Variants in GPM6A observed in about 807,000 individuals in gnomAD.
GPM6A encodes glycoprotein M6A.
In GPM6A, 7 loss-of-function variants were observed where a neutral mutation model predicts 32.1. The ratio of observed to expected loss-of-function variants is 0.22; its 90% CI spans 0.12 to 0.41. The LOEUF is 0.41. Among genes scored for constraint, GPM6A ranks in the 10% least tolerant of loss-of-function variants. The probability of loss-of-function intolerance (pLI) is 1.00; values close to 1 mark genes in which losing one functional copy is unlikely to be tolerated. For synonymous variants in GPM6A, 130 were observed against 123.4 expected (o/e 1.05, Z -0.35); for missense variants, 235 against 347.2 (o/e 0.68, Z 2.57).
chr4:175,820,500 C>CTTTTTTTTTTTT (rs66569311), intron 1 of GPM6A, among the ~76,000 whole-genome samples: 14 of 112,114 alleles, frequency 1.2e-4, no homozygotes, highest in Admixed American at 2.2e-4. Context: ...TCTTTTCTTT[C>CTTTTTTTTTTTT]TTTTTTTTTT....
At chr4:175,726,224 C>A (rs1201206150) in intron 1 of GPM6A, among the ~76,000 whole-genome samples, 2 of 151,720 alleles carry the variant, frequency 1.3e-5, no homozygotes, top group East Asian at 3.9e-4. Context: ...TGGTCTCGAT[C>A]TCCTGACCTC....
At chr4:176,002,188 G>T in intron 1 of GPM6A, 4 of 1,110,830 alleles carry the variant, frequency 3.6e-6, no homozygotes, top group Middle Eastern at 2.0e-4. Context: ...CGCCAGGCGC[G>T]GGGGGAACAG....
At chr4:175,659,304 T>G (rs1255153423) in intron 3 of GPM6A, among the ~76,000 whole-genome samples, 1 of 152,106 alleles carries the variant, frequency 6.6e-6, no homozygotes, top group Admixed American at 6.6e-5. Flanking sequence ...GGTCACAAAC[T>G]CCTGAGCTCA....
chr4:175,919,320 C>T (rs1231943653), intron 1 of GPM6A, among the ~76,000 whole-genome samples: 1 of 152,140 alleles, frequency 6.6e-6, no homozygotes, highest in Non-Finnish European at 1.5e-5. Context: ...GTGGGTCTCA[C>T]TCCACCATAA....
chr4:175,991,556 A>C (rs976068839), intron 1 of GPM6A, among the ~76,000 whole-genome samples: 1 of 152,156 alleles, frequency 6.6e-6, no homozygotes, highest in African/African-American at 2.4e-5. Flanking sequence ...CATTATTTGC[A>C]CTTCAAATCT....
intron 1 of GPM6A, among the ~76,000 whole-genome samples, chr4:175,976,096 T>C (rs1307839661): frequency 6.6e-6 from 1 of 152,124 alleles, no homozygotes; most frequent in African/African-American, 2.4e-5. Flanking sequence ...TTCACACTGA[T>C]GTTTTTACCA....
chr4:175,915,295 T>A (rs1198191836), intron 1 of GPM6A, among the ~76,000 whole-genome samples: 3 of 151,926 alleles, frequency 2.0e-5, no homozygotes, highest in Non-Finnish European at 4.4e-5. Context: ...AGGATTTTTT[T>A]TTTTTTTTTG....
chr4:175,817,063 G>T (rs9312585), upstream of GPM6A, among the ~76,000 whole-genome samples: 147,504 of 152,190 alleles, frequency 0.97, 71,679 homozygotes, highest in East Asian at 1. Context: ...TTTCACCGTG[G>T]TAGCCAGGAT....
At chr4:175,686,545 G>A (rs1417967258) in intron 2 of GPM6A, among the ~76,000 whole-genome samples, 1 of 152,200 alleles carries the variant, frequency 6.6e-6, no homozygotes, top group African/African-American at 2.4e-5. Context: ...CGGAGGCAGA[G>A]ATTAGAGTGC....
intron 1 of GPM6A, among the ~76,000 whole-genome samples, chr4:175,707,533 A>G (rs1745266886): frequency 6.6e-6 from 1 of 152,174 alleles, no homozygotes; most frequent in South Asian, 2.1e-4. Context: ...TTTATCCACA[A>G]ACTTTAAAAT....
At chr4:175,849,451 A>G (rs1392183652) in intron 1 of GPM6A, among the ~76,000 whole-genome samples, 1 of 152,174 alleles carries the variant, frequency 6.6e-6, no homozygotes, top group Non-Finnish European at 1.5e-5. Context: ...ATAGCAATGG[A>G]GGATCATTTG....
At chr4:175,809,130 A>C (rs1488883828) in intron 1 of GPM6A, among the ~76,000 whole-genome samples, 1 of 152,194 alleles carries the variant, frequency 6.6e-6, no homozygotes, top group Non-Finnish European at 1.5e-5. Flanking sequence ...TAGAAACCCA[A>C]AAATCATTTA....
chr4:175,986,160 C>T (rs982218887), intron 1 of GPM6A, among the ~76,000 whole-genome samples: 4 of 151,968 alleles, frequency 2.6e-5, no homozygotes, highest in African/African-American at 4.8e-5. Context: ...TGGTTTTTTT[C>T]CTTCAAACAT....
intron 1 of GPM6A, among the ~76,000 whole-genome samples, chr4:175,847,278 A>C (rs1736119957): frequency 6.6e-6 from 1 of 152,202 alleles, no homozygotes; most frequent in Non-Finnish European, 1.5e-5. Flanking sequence ...AGAGTACAGT[A>C]ATTTCACTTA....
At chr4:175,879,228 C>A (rs1236286917) in intron 1 of GPM6A, among the ~76,000 whole-genome samples, 1 of 152,172 alleles carries the variant, frequency 6.6e-6, no homozygotes, top group African/African-American at 2.4e-5. Context: ...TTTCTTCTGA[C>A]CACTTCAAAC....
chr4:175,824,321 C>T (rs553138714), intron 1 of GPM6A, among the ~76,000 whole-genome samples: 3 of 152,320 alleles, frequency 2.0e-5, no homozygotes, highest in East Asian at 3.9e-4. Context: ...GGCAGACACA[C>T]ACCCCATCCA....
chr4:175,979,292 G>A (rs1740753164), intron 1 of GPM6A, among the ~76,000 whole-genome samples: 1 of 144,386 alleles, frequency 6.9e-6, no homozygotes, highest in African/African-American at 2.8e-5. Flanking sequence ...CTGCCTGAAA[G>A]GTTATTTAAA....
At chr4:175,709,198 C>A (rs1198799025) in intron 1 of GPM6A, among the ~76,000 whole-genome samples, 1 of 151,812 alleles carries the variant, frequency 6.6e-6, no homozygotes, top group Non-Finnish European at 1.5e-5. Context: ...GATTTTAATT[C>A]TTCCTTTTTT....
At chr4:175,748,222 C>T (rs922336569) in intron 1 of GPM6A, among the ~76,000 whole-genome samples, 3 of 152,032 alleles carry the variant, frequency 2.0e-5, no homozygotes, top group Non-Finnish European at 4.4e-5. Context: ...GACCTCCTAC[C>T]GTGAATAATG....
Sources: allele counts gnomAD v4.1 joint callset (sites outside exome capture counted in the v4.1 genomes callset), GRCh38; gene constraint gnomAD v4.1.1; transcripts MANE v1.5; gene names NCBI Gene and HGNC (gene_info 2026-07-23, HGNC 2026-07-21).